NR2F1-AS1: variants seen among roughly 807,000 people sequenced by gnomAD.
NR2F1-AS1 encodes NR2F1 regulatory antisense RNA 1.
chr5:93,556,975 C>CA (rs1370328630), intron 2 of NR2F1-AS1, among the ~76,000 whole-genome samples: 1 of 152,062 alleles, frequency 6.6e-6, no homozygotes, highest in Non-Finnish European at 1.5e-5. Flanking sequence ...GATTACAAAT[C>CA]AAAAAAATAT....
chr5:93,572,201 G>T (rs1002701792), intron 1 of NR2F1-AS1, among the ~76,000 whole-genome samples: 5 of 152,226 alleles, frequency 3.3e-5, no homozygotes, highest in Non-Finnish European at 5.9e-5. Context: ...GCGCGCACGC[G>T]CACGTACACA....
At chr5:93,466,981 A>G (rs1750252434) in intron 4 of NR2F1-AS1, among the ~76,000 whole-genome samples, 1 of 147,890 alleles carries the variant, frequency 6.8e-6, no homozygotes. Flanking sequence ...GCTCTCTGCA[A>G]ACTCCACCTC....
rs1751061685 is a variant in NR2F1-AS1 at position 93,500,769 on chromosome 5, A to G, written n.638+52992T>C. Among the ~76,000 whole-genome samples the G allele has an allele frequency of 2.0e-5, 3 of 152,080 alleles. 1 individual carries two copies. In the South Asian group the frequency reaches 6.2e-4, roughly 32 times the overall value. On this transcript the variant is annotated intron_variant and non_coding_transcript_variant, in intron 4 of 5. Coordinates refer to ENST00000660523, the Ensembl canonical transcript of NR2F1-AS1. ...TCTAGTGCCTCAAAGCCTCCTGAGT[A>G]GCTGGGACTACAGGTGTGTGCCACC...
intron 2 of NR2F1-AS1, among the ~76,000 whole-genome samples, chr5:93,559,001 T>C (rs1752425705): frequency 6.6e-6 from 1 of 152,218 alleles, no homozygotes; most frequent in Non-Finnish European, 1.5e-5. Flanking sequence ...ACCAGCTGGT[T>C]TAGCCTCTAA....
chr5:93,534,753 C>T (rs1048629988), intron 4 of NR2F1-AS1, among the ~76,000 whole-genome samples: 2 of 152,100 alleles, frequency 1.3e-5, no homozygotes, highest in Admixed American at 6.6e-5. Context: ...ACGATCCAGC[C>T]GGTGTAAAAG....
At chr5:93,585,128 C>A, upstream of NR2F1-AS1, 1 of 1,015,456 alleles carries the variant, frequency 9.8e-7, no homozygotes, top group Non-Finnish European at 1.2e-6. Flanking sequence ...GCGGCGGCGG[C>A]GGCGCCGGCG....
chr5:93,442,835 G>A (rs1399332588), intron 4 of NR2F1-AS1, among the ~76,000 whole-genome samples: 1 of 152,190 alleles, frequency 6.6e-6, no homozygotes, highest in Non-Finnish European at 1.5e-5. Flanking sequence ...GCCCCTCTGA[G>A]ACAAAGCTTC....
At chr5:93,443,334 C>G (rs1749617108) in intron 4 of NR2F1-AS1, among the ~76,000 whole-genome samples, 1 of 152,092 alleles carries the variant, frequency 6.6e-6, no homozygotes. Flanking sequence ...CTAGAATAAA[C>G]AGCATAGAGA....
Position 93,482,978 on chromosome 5 carries a change from G to A in NR2F1-AS1, n.638+70783C>T, listed in dbSNP as rs140305491. On this transcript the variant is annotated intron_variant and non_coding_transcript_variant, in intron 4 of 5. Transcript: ENST00000660523. ...CAGGGGATTATCAAACTCCCATCTC[G>A]CTGGGACAGAGCACCTAGGGGAAGG... Among the ~76,000 whole-genome samples, 168 of 152,286 alleles carry A rather than the reference G, an allele frequency of 1.1e-3. 5 individuals carry two copies. The South Asian group carries it at 0.03, about 27-fold the overall frequency.
At chr5:93,514,114 T>C (rs1252447792) in intron 4 of NR2F1-AS1, among the ~76,000 whole-genome samples, 1 of 152,104 alleles carries the variant, frequency 6.6e-6, no homozygotes, top group African/African-American at 2.4e-5. Flanking sequence ...TCATGTTCTA[T>C]TATATATTCA....
chr5:93,430,861 T>TATCATC (rs138817898), intron 4 of NR2F1-AS1, among the ~76,000 whole-genome samples: 78 of 149,638 alleles, frequency 5.2e-4, no homozygotes, highest in African/African-American at 1.4e-3. Flanking sequence ...TCCCTTGCTT[T>TATCATC]ATCATCATCA....
intron 4 of NR2F1-AS1, among the ~76,000 whole-genome samples, chr5:93,454,629 G>C (rs922510908): frequency 6.6e-6 from 1 of 152,176 alleles, no homozygotes; most frequent in Admixed American, 6.6e-5. Flanking sequence ...TCAGAATGGG[G>C]ACTGGTTGCC....
intron 4 of NR2F1-AS1, among the ~76,000 whole-genome samples, chr5:93,450,092 G>A (rs1749795903): frequency 6.6e-6 from 1 of 152,080 alleles, no homozygotes; most frequent in Admixed American, 6.6e-5. Context: ...GAATATGAAT[G>A]TTCATTTTCT....
intron 1 of NR2F1-AS1, among the ~76,000 whole-genome samples, chr5:93,564,307 A>G (rs1752568463): frequency 6.6e-6 from 1 of 152,008 alleles, no homozygotes; most frequent in African/African-American, 2.4e-5. Flanking sequence ...TTGAAGCAAC[A>G]GATTTGGGAA....
At position 93,549,773 on chromosome 5, in the gene NR2F1-AS1, A is replaced by G. The variant is rs536408268; in HGVS notation, n.638+3988T>C. ...CATTTTCACATATACACCATGGAATACTATGCAGCCATAAAAAAGGATGGG... is the reference window on the plus strand; with the variant it reads ...CATTTTCACATATACACCATGGAATGCTATGCAGCCATAAAAAAGGATGGG... On this transcript the variant is annotated intron_variant and non_coding_transcript_variant, in intron 4 of 5. Transcript: ENST00000660523. Among the ~76,000 whole-genome samples the G allele has an allele frequency of 1.5e-4, 23 of 152,284 alleles. No homozygotes were observed. The East Asian group carries it at 4.3e-3, about 28-fold the overall frequency.
At chr5:93,584,961 C>T, upstream of NR2F1-AS1, 1 of 715,014 alleles carries the variant, frequency 1.4e-6, no homozygotes, top group Non-Finnish European at 1.7e-6. Context: ...CCAGCGCGCC[C>T]GCGCGCCCCG....
chr5:93,536,151 G>A (rs1265114550), intron 4 of NR2F1-AS1, among the ~76,000 whole-genome samples: 2 of 151,876 alleles, frequency 1.3e-5, no homozygotes, highest in African/African-American at 2.4e-5. Flanking sequence ...TGCTAATAGT[G>A]AACTATGTGA....
At chr5:93,443,061 A>G (rs972292905) in intron 4 of NR2F1-AS1, among the ~76,000 whole-genome samples, 3 of 152,232 alleles carry the variant, frequency 2.0e-5, no homozygotes, top group African/African-American at 7.2e-5. Context: ...ATCAAAGACC[A>G]AAGGTAGATA....
chr5:93,420,626 T>C (rs1028352990), intron 4 of NR2F1-AS1, among the ~76,000 whole-genome samples: 1 of 151,936 alleles, frequency 6.6e-6, no homozygotes, highest in African/African-American at 2.4e-5. Context: ...AGGTGGAAAA[T>C]GGAAGAGACA....
Sources: allele counts gnomAD v4.1 joint callset (sites outside exome capture counted in the v4.1 genomes callset), GRCh38; gene constraint gnomAD v4.1.1; transcripts MANE v1.5; gene names NCBI Gene and HGNC (gene_info 2026-07-23, HGNC 2026-07-21).